The following NIPAL2 variants were observed in gnomAD, a reference collection of about 807,000 sequenced individuals.
The protein encoded by NIPAL2 is NIPA-like protein 2.
In NIPAL2, 43 loss-of-function variants were observed where a neutral mutation model predicts 48.9. The observed-to-expected ratio is 0.88, with a 90% CI of 0.69 to 1.13. The LOEUF is 1.13. Ranked by LOEUF, NIPAL2 falls within the 50% of genes most tolerant of loss-of-function variation. The pLI, the probability that NIPAL2 is intolerant of heterozygous loss-of-function variation, is 0.00. For synonymous variants in NIPAL2, 167 were observed against 174.6 expected, an observed-to-expected ratio of 0.96 and a Z score of 0.34; for missense variants, 446 against 461.4, an observed-to-expected ratio of 0.97 and a Z score of 0.31.
chr8:98,235,289 A>G (rs776010339), intron 4 of NIPAL2, among the ~76,000 whole-genome samples: 3 of 152,234 alleles, frequency 2.0e-5, no homozygotes, highest in Non-Finnish European at 4.4e-5. Context: ...ATGAATCTCT[A>G]TAATTCTTCT....
chr8:98,291,398 T>C (rs944670423), intron 1 of NIPAL2, among the ~76,000 whole-genome samples: 2 of 152,168 alleles, frequency 1.3e-5, no homozygotes, highest in African/African-American at 4.8e-5. Context: ...TGTCCATCAT[T>C]AACCATCCAG....
intron 3 of NIPAL2, among the ~76,000 whole-genome samples, chr8:98,236,873 A>AAAAAAAC (rs1812744102): frequency 6.7e-6 from 1 of 149,762 alleles, no homozygotes; most frequent in Non-Finnish European, 1.5e-5. Flanking sequence ...AAAAAAAAAA[A>AAAAAAAC]AAGGACAGGA....
At chr8:98,228,550 T>C (rs1458464511) in intron 4 of NIPAL2, among the ~76,000 whole-genome samples, 2 of 152,196 alleles carry the variant, frequency 1.3e-5, no homozygotes, top group Admixed American at 6.5e-5. Flanking sequence ...TAAGTCATCA[T>C]ACTTGCAAAA....
chr8:98,239,166 G>A (rs1327992262), intron 3 of NIPAL2, among the ~76,000 whole-genome samples: 1 of 152,138 alleles, frequency 6.6e-6, no homozygotes, highest in Non-Finnish European at 1.5e-5. Context: ...GAGATTTTAA[G>A]GTAGTAGGAG....
chr8:98,227,785 C>G (rs1341491980), intron 4 of NIPAL2, among the ~76,000 whole-genome samples: 2 of 152,210 alleles, frequency 1.3e-5, no homozygotes, highest in East Asian at 1.9e-4. Context: ...GCATGCCCCT[C>G]AAGTCCACTG....
At chr8:98,293,875 T>G in intron 1 of NIPAL2, 128 bp downstream of exon 1, 1 of 882,010 alleles carries the variant, frequency 1.1e-6, no homozygotes, top group Non-Finnish European at 1.6e-6. Context: ...TGTCACCTCT[T>G]CCCACTCGGA....
intron 4 of NIPAL2, among the ~76,000 whole-genome samples, chr8:98,225,172 T>C (rs1423756055): frequency 6.6e-6 from 1 of 152,234 alleles, no homozygotes; most frequent in Admixed American, 6.5e-5. Context: ...TTCTTCTTAA[T>C]AATTTTTATT....
At chr8:98,293,768 C>T (rs1816614826) in intron 1 of NIPAL2, among the ~76,000 whole-genome samples, 1 of 152,198 alleles carries the variant, frequency 6.6e-6, no homozygotes, top group Non-Finnish European at 1.5e-5. Flanking sequence ...AAGACCTGGG[C>T]GCCCACTCCC....
rs1810469245 is a variant in NIPAL2, at chr8:98,194,785, T to C, written c.982A>G (p.Arg328Gly). 2 of 1,575,618 alleles carry C rather than the reference T, an allele frequency of 1.3e-6. No homozygotes were observed. Among genetic ancestry groups the C allele is most frequent in the African/African-American group, 1.4e-5 (1 of 72,862 alleles). The change falls in exon 10 of 11, where the codon AGA (arginine) becomes GGA (glycine). Residue 328 changes from arginine (R) to glycine (G), a missense_variant. Transcript: ENST00000430223. ...LSFLGVFLVT[R>G]NREKEHLQQS... ...TGCAGATGTTCCTTTTCTCGATTTC[T>C]TGTGACCAAAAATACACCAAGGAAT...
intron 3 of NIPAL2, among the ~76,000 whole-genome samples, chr8:98,239,067 A>T (rs1029168119): frequency 6.6e-6 from 1 of 152,202 alleles, no homozygotes; most frequent in Non-Finnish European, 1.5e-5. Flanking sequence ...ATTAACACAT[A>T]CCAAATGTGT....
At chr8:98,224,065 T>C (rs1812029857) in intron 4 of NIPAL2, among the ~76,000 whole-genome samples, 1 of 152,238 alleles carries the variant, frequency 6.6e-6, no homozygotes, top group Admixed American at 6.5e-5. Flanking sequence ...TCCAGATTTC[T>C]AGTTATATCA....
At chr8:98,216,296 C>T (rs537309587) in intron 5 of NIPAL2, among the ~76,000 whole-genome samples, 1 of 152,190 alleles carries the variant, frequency 6.6e-6, no homozygotes, top group Admixed American at 6.5e-5. Context: ...GTTCCTGGGC[C>T]TTCTCCAGCC....
intron 6 of NIPAL2, among the ~76,000 whole-genome samples, chr8:98,206,658 G>A (rs1811055166): frequency 1.3e-5 from 2 of 151,590 alleles, no homozygotes; most frequent in African/African-American, 4.8e-5. Context: ...CATGGTGGTG[G>A]ATGCCTGTAT....
chr8:98,266,539 C>G (rs1432658770), intron 1 of NIPAL2, among the ~76,000 whole-genome samples: 1 of 133,974 alleles, frequency 7.5e-6, no homozygotes, highest in African/African-American at 2.9e-5. Context: ...GGCAACAGAG[C>G]AAGACTCTGT....
At chr8:98,233,339 GAT>G (rs1491120686) in intron 4 of NIPAL2, among the ~76,000 whole-genome samples, 134 of 77,052 alleles carry the variant, frequency 1.7e-3, no homozygotes, top group African/African-American at 5.5e-3. Context: ...TTGTTTTCTT[GAT>G]GTGTGTGTGT....
At chr8:98,277,069 C>T (rs1445604712) in intron 1 of NIPAL2, among the ~76,000 whole-genome samples, 1 of 152,062 alleles carries the variant, frequency 6.6e-6, no homozygotes, top group Admixed American at 6.5e-5. Context: ...TATACCCAGC[C>T]CATGTTTACC....
rs377234952 is a variant in NIPAL2 at position 98,218,584 on chromosome 8, G to A, written c.558+3895C>T. On this transcript the variant is annotated intron_variant, in intron 5 of 10. Coordinates refer to ENST00000430223, the MANE Select transcript of NIPAL2 (RefSeq NM_001321635.2). Reference sequence around the variant, plus strand: ...ATAAGGCCTATGAAAATGAATTTCAGGACCATAACATATGAGGATCAGGGA... The same window carrying A: ...ATAAGGCCTATGAAAATGAATTTCAAGACCATAACATATGAGGATCAGGGA... 4.8e-4 allele frequency among the ~76,000 whole-genome samples: 73 copies of A among 152,262 alleles called. 1 individual carries two copies. The South Asian group carries it at 0.014, about 29-fold the overall frequency.
chr8:98,205,575 C>T (rs1027862714), intron 6 of NIPAL2, among the ~76,000 whole-genome samples: 1 of 151,290 alleles, frequency 6.6e-6, no homozygotes, highest in Non-Finnish European at 1.5e-5. Flanking sequence ...ATGGGAAAGG[C>T]AAAAACAATG....
At chr8:98,221,363 CT>C (rs11383684) in intron 5 of NIPAL2, among the ~76,000 whole-genome samples, 1,934 of 146,246 alleles carry the variant, frequency 0.013, 19 homozygotes, top group Middle Eastern at 0.036. Context: ...TCAACAAGGA[CT>C]TTTTTTTTTT....
Sources: gnomAD v4.1 joint callset for allele counts (sites outside exome capture counted in the v4.1 genomes callset) on GRCh38, gnomAD v4.1.1 for gene constraint, MANE v1.5 for transcripts, NCBI Gene and HGNC (gene_info 2026-07-23, HGNC 2026-07-21) for gene names.